The following AKAP6 variants were observed in gnomAD, a reference collection of about 807,000 sequenced individuals.
AKAP6 encodes A-kinase anchor protein 6.
In AKAP6, 58 loss-of-function variants were observed where a neutral mutation model predicts 188.5. The ratio of observed to expected loss-of-function variants is 0.31; its 90% CI spans 0.25 to 0.38. The LOEUF (loss-of-function observed/expected upper bound fraction) is 0.38. AKAP6 is among the 10% of genes least tolerant of loss of function. The probability of loss-of-function intolerance (pLI) is 1.00; values close to 1 mark genes in which losing one functional copy is unlikely to be tolerated. For missense variants in AKAP6, 2,710 were observed against 2,740.0 expected (o/e 0.99, Z 0.24); for synonymous variants, 989 against 998.6 (o/e 0.99, Z 0.18).
intron 5 of AKAP6, among the ~76,000 whole-genome samples, chr14:32,591,466 T>C (rs1415747974): frequency 8.2e-6 from 1 of 121,824 alleles, no homozygotes; most frequent in Non-Finnish European, 1.8e-5. Context: ...GCATCTACTT[T>C]GCACCAAAAA....
chr14:32,580,264 T>C (rs1884903677), intron 5 of AKAP6, among the ~76,000 whole-genome samples: 1 of 152,108 alleles, frequency 6.6e-6, no homozygotes, highest in Admixed American at 6.5e-5. Flanking sequence ...ATTAATCATC[T>C]GCTTGCAACC....
chr14:32,462,785 T>C (rs946594721), intron 2 of AKAP6, among the ~76,000 whole-genome samples: 1 of 151,272 alleles, frequency 6.6e-6, no homozygotes, highest in African/African-American at 2.4e-5. Context: ...GACTAACCAA[T>C]TGGATAGAGC....
intron 5 of AKAP6, among the ~76,000 whole-genome samples, chr14:32,583,020 T>C (rs900828501): frequency 1.3e-5 from 2 of 152,188 alleles, no homozygotes; most frequent in African/African-American, 4.8e-5. Flanking sequence ...AGCTTTATTC[T>C]GTTGCTGGTG....
intron 9 of AKAP6, among the ~76,000 whole-genome samples, chr14:32,715,787 T>C (rs1195845616): frequency 6.7e-6 from 1 of 149,932 alleles, no homozygotes; most frequent in Non-Finnish European, 1.5e-5. Context: ...TTTAAAATTC[T>C]AGTGAATTCC....
At chr14:32,811,557 G>A (rs908357299) in intron 12 of AKAP6, among the ~76,000 whole-genome samples, 11 of 152,128 alleles carry the variant, frequency 7.2e-5, no homozygotes, top group Non-Finnish European at 1.2e-4. Context: ...GGGGACTTGC[G>A]TGATTGGCAT....
Position 32,824,183 on chromosome 14 carries a change from G to A in AKAP6, c.6370G>A (p.Glu2124Lys), listed in dbSNP as rs926646241. The A allele has an allele frequency of 6.2e-7, 1 of 1,613,976 alleles. No individual in the cohort carries two copies. Among genetic ancestry groups the A allele is most frequent in the East Asian group, 2.2e-5 (1 of 44,870 alleles). Residue 2124 changes from glutamate to lysine, a missense_variant, in exon 13 of 14, where the codon GAG (glutamate) becomes AAG (lysine). Glu to Lys is a moderately conservative substitution (Grantham distance 56, BLOSUM62 1). This residue lies in a region of AKAP6 where 2,473 missense variants were observed against 2,426.1 expected (regional missense o/e 1.02). Transcript: ENST00000280979. ...CTCATCTCATGACAGTGATTGTGGG[G>A]AGGTCACCAATTACATAGAAGAGAA... ...SLSSHDSDCG[E>K]VTNYIEEKSS...
intron 12 of AKAP6, among the ~76,000 whole-genome samples, chr14:32,818,588 A>G (rs1594979666): frequency 6.6e-6 from 1 of 151,940 alleles, no homozygotes; most frequent in East Asian, 1.9e-4. Flanking sequence ...TTTGGAACCC[A>G]TGGATATGGA....
Position 32,773,704 on chromosome 14 carries a change from A to T in AKAP6, c.3399A>T (p.Arg1133=). The T allele has an allele frequency of 6.2e-7, 1 of 1,614,068 alleles. No individual in the cohort carries two copies. Among genetic ancestry groups the T allele is most frequent in the Non-Finnish European group, 8.5e-7 (1 of 1,179,956 alleles). The change falls in exon 12 of 14, where the codon CGA becomes CGT. Residue 1133 remains arginine (R), a synonymous_variant. Transcript: ENST00000280979. ...CCCTCTGTCGTGAAATCAAGCAACG[A>T]CGTCGAGGAGTTGCCTCCATTCTGC... The part of the protein sequence containing the change: ...FKSLCREIKQ[R]RRGVASILRL...
chr14:32,603,364 G>A (rs144025085), intron 7 of AKAP6, among the ~76,000 whole-genome samples: 2 of 152,240 alleles, frequency 1.3e-5, no homozygotes, highest in African/African-American at 2.4e-5. Context: ...TTGAAAAGGA[G>A]TACATTCACC....
At chr14:32,747,789 A>G (rs2031972582) in intron 11 of AKAP6, among the ~76,000 whole-genome samples, 1 of 152,246 alleles carries the variant, frequency 6.6e-6, no homozygotes. Flanking sequence ...AGAGTAAAAG[A>G]AAATGGAATA....
At chr14:32,529,744 T>A (rs192313497) in intron 2 of AKAP6, among the ~76,000 whole-genome samples, 2 of 152,290 alleles carry the variant, frequency 1.3e-5, no homozygotes, top group African/African-American at 4.8e-5. Context: ...AAAGTATGAT[T>A]TTGATAGTCA....
At chr14:32,447,719 A>T (rs1890802370) in intron 2 of AKAP6, among the ~76,000 whole-genome samples, 1 of 152,186 alleles carries the variant, frequency 6.6e-6, no homozygotes, top group Non-Finnish European at 1.5e-5. Context: ...TCACATAATC[A>T]TGTTTGAGAG....
chr14:32,810,937 A>T (rs1332333046), intron 12 of AKAP6, among the ~76,000 whole-genome samples: 1 of 152,170 alleles, frequency 6.6e-6, no homozygotes, highest in African/African-American at 2.4e-5. Flanking sequence ...TGACAGGCTT[A>T]GTTAAGATGA....
In AKAP6 at chr14:32,510,323, TA is replaced by T. The variant is rs1282323314; in HGVS notation, c.325-25230del. On this transcript the variant is annotated intron_variant, in intron 2 of 13. Transcript: ENST00000280979. ...ATTATTAAAAAGTATTCCATGTTCC[TA>T]TAATAAATTATATAAGTAAACATAT... 3.3e-5 allele frequency among the ~76,000 whole-genome samples: 5 copies of T among 149,326 alleles called. No homozygotes were observed. The East Asian group carries it at 9.7e-4, about 29-fold the overall frequency.
chr14:32,622,636 G>C (rs1305850033), intron 7 of AKAP6, among the ~76,000 whole-genome samples: 1 of 152,008 alleles, frequency 6.6e-6, no homozygotes. Context: ...TATCGGAGTT[G>C]GTTGCTAAGA....
chr14:32,820,733 A>G (rs1403004410), intron 12 of AKAP6, among the ~76,000 whole-genome samples: 1 of 152,136 alleles, frequency 6.6e-6, no homozygotes, highest in Admixed American at 6.5e-5. Flanking sequence ...GTCTAGGAAG[A>G]TACAGCTAAG....
intron 2 of AKAP6, among the ~76,000 whole-genome samples, chr14:32,488,331 G>A (rs1879812758): frequency 1.3e-5 from 2 of 152,166 alleles, no homozygotes; most frequent in African/African-American, 2.4e-5. Flanking sequence ...TACACTGTGA[G>A]GGGAAAACTG....
In AKAP6 at chr14:32,830,328, A is replaced by C. The variant is rs534950597; in HGVS notation, c.*523A>C. The C allele has an allele frequency of 4.9e-5, 9 of 184,012 alleles. No individual in the cohort carries two copies. In the South Asian group the frequency reaches 1.6e-3, roughly 33 times the overall value. The allele number at this position is 184,012 out of a possible 1,614,324, so 11.4% of individuals were successfully genotyped here. On this transcript the variant is annotated 3_prime_UTR_variant, in exon 14 of 14. Coordinates refer to ENST00000280979, the MANE Select transcript of AKAP6 (RefSeq NM_004274.5). ...CCAACATTTGAATTGGTTGCAGCAT[A>C]GAGAAGAAACACTGGTCCTTCTTTC...
chr14:32,355,928 C>T (rs1305655386), intron 1 of AKAP6, among the ~76,000 whole-genome samples: 2 of 152,038 alleles, frequency 1.3e-5, no homozygotes, highest in Admixed American at 6.6e-5. Flanking sequence ...GCGCCTGCCA[C>T]CACACCCGGC....
Sources: allele counts gnomAD v4.1 joint callset (sites outside exome capture counted in the v4.1 genomes callset), GRCh38; gene constraint gnomAD v4.1.1; regional missense constraint gnomAD v4.1.1; transcripts MANE v1.5; gene names NCBI Gene and HGNC (gene_info 2026-07-23, HGNC 2026-07-21).